KCNIP4: variants seen among roughly 807,000 people sequenced by gnomAD.
KCNIP4 encodes Kv channel-interacting protein 4.
KCNIP4 carries 12 observed loss-of-function variants against 34.0 expected under a neutral mutation model. The observed-to-expected ratio is 0.35, with a 90% CI of 0.23 to 0.57. KCNIP4 has a LOEUF of 0.57. Among genes scored for constraint, KCNIP4 ranks in the 20% least tolerant of loss-of-function variants. The pLI, the probability that KCNIP4 is intolerant of heterozygous loss-of-function variation, is 0.83. For synonymous variants in KCNIP4, 124 were observed against 102.2 expected, an observed-to-expected ratio of 1.21 and a Z score of -1.29; for missense variants, 238 against 311.7, an observed-to-expected ratio of 0.76 and a Z score of 1.78.
intron 1 of KCNIP4, among the ~76,000 whole-genome samples, chr4:21,005,687 AC>A (rs1280009145): frequency 1.3e-5 from 2 of 152,112 alleles, no homozygotes; most frequent in Non-Finnish European, 2.9e-5. Flanking sequence ...GTTTGGCACA[AC>A]TTTATTTGAA....
chr4:21,720,013 AAGAAGGAGAAGGAGAAGG>A (rs71191538), intron 1 of KCNIP4, among the ~76,000 whole-genome samples: 21 of 131,234 alleles, frequency 1.6e-4, no homozygotes, highest in African/African-American at 6.7e-4. Flanking sequence ...AAAGAAGAAG[AAGAAGGAGAAGGAGAAGG>A]AGAAGGAGAA....
At chr4:21,103,185 T>G (rs964441376) in intron 1 of KCNIP4, among the ~76,000 whole-genome samples, 1 of 151,482 alleles carries the variant, frequency 6.6e-6, no homozygotes, top group Non-Finnish European at 1.5e-5. Context: ...TTACCAACTT[T>G]GTGATCTTGG....
intron 1 of KCNIP4, among the ~76,000 whole-genome samples, chr4:21,225,983 A>C: frequency 6.6e-6 from 1 of 151,940 alleles, no homozygotes; most frequent in Admixed American, 6.6e-5. Flanking sequence ...TCACCTAATT[A>C]TTAATATTAA....
intron 1 of KCNIP4, among the ~76,000 whole-genome samples, chr4:21,054,917 T>G (rs1287818870): frequency 6.6e-6 from 1 of 152,116 alleles, no homozygotes; most frequent in Non-Finnish European, 1.5e-5. Context: ...ATTCATATGT[T>G]GGACTTCATT....
rs28756116 is a variant in KCNIP4 at position 21,794,868 on chromosome 4, G to A, written c.61+153703C>T. Among the ~76,000 whole-genome samples, 945 of 152,230 alleles carry A rather than the reference G, an allele frequency of 6.2e-3. 13 individuals carry two copies. Among genetic ancestry groups the A allele is most frequent in the African/African-American group, 0.022 (901 of 41,536 alleles). ...CACTCCAGCAGGGGCAACAGAGGGA[G>A]ACTGTCTCAAGAAACAAAAACCAAA... On this transcript the variant is annotated intron_variant, in intron 1 of 8. Coordinates refer to ENST00000382152, the MANE Select transcript of KCNIP4 (RefSeq NM_025221.6).
intron 1 of KCNIP4, among the ~76,000 whole-genome samples, chr4:21,632,361 G>A (rs141035908): frequency 7.1e-4 from 107 of 151,564 alleles, no homozygotes; most frequent in African/African-American, 2.4e-3. Flanking sequence ...TTACAGGTGC[G>A]AGCCACCATG....
intron 1 of KCNIP4, among the ~76,000 whole-genome samples, chr4:21,492,101 A>G (rs1053720435): frequency 1.3e-5 from 2 of 152,232 alleles, no homozygotes; most frequent in African/African-American, 2.4e-5. Flanking sequence ...GTGGAAATCC[A>G]TGGAGTTGGC....
intron 1 of KCNIP4, among the ~76,000 whole-genome samples, chr4:21,485,972 T>G (rs1448326033): frequency 7.0e-6 from 1 of 143,724 alleles, no homozygotes; most frequent in East Asian, 2.0e-4. Context: ...AGCCTGGGAT[T>G]TGGTTTTGAC....
intron 1 of KCNIP4, among the ~76,000 whole-genome samples, chr4:21,562,256 G>A (rs1430440283): frequency 6.6e-6 from 1 of 151,718 alleles, no homozygotes; most frequent in Non-Finnish European, 1.5e-5. Flanking sequence ...GGATACATAA[G>A]ACTGCCAAAA....
chr4:21,702,562 T>C (rs1360036882), intron 1 of KCNIP4, among the ~76,000 whole-genome samples: 2 of 152,046 alleles, frequency 1.3e-5, no homozygotes, highest in African/African-American at 4.8e-5. Flanking sequence ...AATAGATAAT[T>C]TGAATAGCTT....
At chr4:21,308,535 G>A (rs1712746084) in intron 1 of KCNIP4, among the ~76,000 whole-genome samples, 1 of 152,146 alleles carries the variant, frequency 6.6e-6, no homozygotes, top group South Asian at 2.1e-4. Context: ...CTTGCTGATG[G>A]TCATAACATT....
At chr4:21,339,175 G>A (rs1364065162) in intron 1 of KCNIP4, among the ~76,000 whole-genome samples, 1 of 152,144 alleles carries the variant, frequency 6.6e-6, no homozygotes, top group Non-Finnish European at 1.5e-5. Flanking sequence ...GCAGGTAAGT[G>A]GTTGACTTTG....
chr4:20,980,637 TAGACTC>T (rs1249204110), intron 1 of KCNIP4, among the ~76,000 whole-genome samples: 4 of 152,168 alleles, frequency 2.6e-5, no homozygotes, highest in African/African-American at 9.7e-5. Flanking sequence ...CTCATTCAAA[TAGACTC>T]AGAAGTACTT....
chr4:20,848,905 C>A (rs1349900025), intron 3 of KCNIP4, among the ~76,000 whole-genome samples: 2 of 152,190 alleles, frequency 1.3e-5, no homozygotes, highest in African/African-American at 4.8e-5. Flanking sequence ...TGATTCACCT[C>A]CTCTGAGCAC....
chr4:21,921,908 C>A (rs1728959720), intron 1 of KCNIP4, among the ~76,000 whole-genome samples: 1 of 152,140 alleles, frequency 6.6e-6, no homozygotes, highest in Admixed American at 6.5e-5. Flanking sequence ...ATAAAACCCT[C>A]CTCATAGTGT....
chr4:20,758,916 A>G lies in KCNIP4; in HGVS notation c.289-26T>C, dbSNP rs765105963. On this transcript the variant is annotated intron_variant, in intron 3 of 8. Coordinates refer to ENST00000382152, the MANE Select transcript of KCNIP4 (RefSeq NM_025221.6). ...CTAGGGAAAGTGGCAGAGAAGCAAT[A>G]TGAGCAAAGTGTTCATAAAACTGAA... 8.1e-6 allele frequency: 13 copies of G among 1,597,532 alleles called. No homozygotes were observed. In the South Asian group the frequency reaches 1.4e-4, roughly 18 times the overall value.
chr4:21,172,611 G>A (rs1446284603), intron 1 of KCNIP4, among the ~76,000 whole-genome samples: 2 of 152,140 alleles, frequency 1.3e-5, no homozygotes, highest in African/African-American at 4.8e-5. Flanking sequence ...TTGACATGTT[G>A]TCCTGGCACA....
At chr4:20,787,321 TTTA>T (rs1178319241) in intron 3 of KCNIP4, among the ~76,000 whole-genome samples, 2 of 152,204 alleles carry the variant, frequency 1.3e-5, no homozygotes, top group African/African-American at 4.8e-5. Flanking sequence ...TTTAGGTGGT[TTTA>T]TTCAGATGAA....
At chr4:21,049,075 C>G (rs548107696) in intron 1 of KCNIP4, among the ~76,000 whole-genome samples, 1 of 150,700 alleles carries the variant, frequency 6.6e-6, no homozygotes, top group African/African-American at 2.4e-5. Flanking sequence ...CTCAGCCTCC[C>G]GAGTAGCTGG....
Sources: allele counts gnomAD v4.1 joint callset (sites outside exome capture counted in the v4.1 genomes callset), GRCh38; gene constraint gnomAD v4.1.1; transcripts MANE v1.5; gene names NCBI Gene and HGNC (gene_info 2026-07-23, HGNC 2026-07-21).